SEMA3A: variants seen among roughly 807,000 people sequenced by gnomAD.
SEMA3A encodes the protein semaphorin-3A.
In SEMA3A, 29 loss-of-function variants were observed where a neutral mutation model predicts 97.9. That is an observed-to-expected ratio of 0.30 (90% CI 0.22 to 0.40). The LOEUF is 0.40. Among genes scored for constraint, SEMA3A ranks in the 10% least tolerant of loss-of-function variants. The probability of loss-of-function intolerance (pLI) is 1.00; values close to 1 mark genes in which losing one functional copy is unlikely to be tolerated. For missense variants in SEMA3A, 763 were observed against 951.3 expected, an observed-to-expected ratio of 0.80 and a Z score of 2.60; for synonymous variants, 321 against 323.7, an observed-to-expected ratio of 0.99 and a Z score of 0.09.
At chr7:84,218,066 A>T (rs1393444455) in intron 3 of SEMA3A, among the ~76,000 whole-genome samples, 1 of 152,050 alleles carries the variant, frequency 6.6e-6, no homozygotes, top group Non-Finnish European at 1.5e-5. Flanking sequence ...TGTCTTGGTG[A>T]TATTTTTTGT....
intron 2 of SEMA3A, among the ~76,000 whole-genome samples, chr7:84,346,055 TAC>T (rs1802292740): frequency 6.6e-6 from 1 of 152,232 alleles, no homozygotes; most frequent in African/African-American, 2.4e-5. Flanking sequence ...CTGCAGCTTT[TAC>T]GTCAGCACTT....
intron 2 of SEMA3A, among the ~76,000 whole-genome samples, chr7:84,314,776 A>T (rs1229153070): frequency 6.6e-6 from 1 of 152,146 alleles, no homozygotes; most frequent in Non-Finnish European, 1.5e-5. Context: ...TTTAGACAAG[A>T]TTGATTTTAT....
At chr7:84,140,141 C>T (rs2158567) in intron 1 of SEMA3A, among the ~76,000 whole-genome samples, 34,114 of 151,900 alleles carry the variant, frequency 0.22, 3,965 homozygotes, top group African/African-American at 0.27. Context: ...AAATCATGCA[C>T]GAGGATTGGG....
chr7:84,189,696 TAAC>T (rs1473373926), intron 1 of SEMA3A, among the ~76,000 whole-genome samples: 2 of 151,678 alleles, frequency 1.3e-5, no homozygotes, highest in Non-Finnish European at 3.0e-5. Context: ...ATAGCCTCCA[TAAC>T]AACAATTTAA....
At chr7:84,382,552 C>A (rs959578287) in intron 1 of SEMA3A, among the ~76,000 whole-genome samples, 6 of 151,364 alleles carry the variant, frequency 4.0e-5, no homozygotes, top group Admixed American at 2.6e-4. Flanking sequence ...AAATCACAAT[C>A]AGTTTTTAAA....
intron 3 of SEMA3A, among the ~76,000 whole-genome samples, chr7:84,208,953 T>C (rs774091656): frequency 3.9e-5 from 6 of 152,214 alleles, no homozygotes; most frequent in Admixed American, 1.3e-4. Context: ...AGAAATTACA[T>C]TCAACATCTA....
At chr7:84,203,900 G>T (rs536270697) in intron 3 of SEMA3A, among the ~76,000 whole-genome samples, 1 of 151,866 alleles carries the variant, frequency 6.6e-6, no homozygotes, top group Non-Finnish European at 1.5e-5. Flanking sequence ...GTAGGCCATG[G>T]CATTAGAGAG....
intron 1 of SEMA3A, among the ~76,000 whole-genome samples, chr7:84,456,849 T>G (rs573912419): frequency 1.3e-5 from 2 of 151,766 alleles, no homozygotes; most frequent in Non-Finnish European, 3.0e-5. Flanking sequence ...CTTTTAACCT[T>G]TGAGCAATTT....
intron 2 of SEMA3A, among the ~76,000 whole-genome samples, chr7:84,317,033 G>T (rs1014109832): frequency 6.6e-6 from 1 of 151,898 alleles, no homozygotes; most frequent in Non-Finnish European, 1.5e-5. Context: ...ATCATAATAG[G>T]GCACTTCTCC....
intron 12 of SEMA3A, among the ~76,000 whole-genome samples, chr7:83,992,987 G>T (rs1449863400): frequency 7.1e-6 from 1 of 140,332 alleles, no homozygotes; most frequent in African/African-American, 2.7e-5. Flanking sequence ...CTTGCTTTAT[G>T]AATCTGGGTG....
At chr7:84,389,835 G>A (rs75991975) in intron 1 of SEMA3A, among the ~76,000 whole-genome samples, 6,199 of 152,090 alleles carry the variant, frequency 0.041, 344 homozygotes, top group East Asian at 0.19. Flanking sequence ...GAGTGTTTAC[G>A]TTTTAAACTG....
In SEMA3A at chr7:84,491,250, G is replaced by A. The variant is rs117705847; in HGVS notation, c.-246+1210C>T. On this transcript the variant is annotated intron_variant, in intron 1 of 3. Transcript: ENST00000424555. ...TATTTAAACAGTGCAATACTGTTTT[G>A]TCTAATTTTGCCTAACTACTCTACA... is the stretch of plus-strand genomic sequence containing the variant. Among the ~76,000 whole-genome samples the A allele has an allele frequency of 3.9e-3, 597 of 152,158 alleles. 6 individuals are homozygous for A. Among genetic ancestry groups the A allele is most frequent in the East Asian group, 0.038 (198 of 5,168 alleles).
At chr7:84,442,047 CAT>C (rs1246515478) in intron 1 of SEMA3A, among the ~76,000 whole-genome samples, 6 of 152,042 alleles carry the variant, frequency 3.9e-5, no homozygotes, top group Non-Finnish European at 5.9e-5. Context: ...AACTCAAAGA[CAT>C]ATGAAGAAAG....
Position 84,256,662 on chromosome 7 carries a change from C to A in SEMA3A, c.-83+50545G>T, listed in dbSNP as rs529339289. On this transcript the variant is annotated intron_variant, in intron 3 of 3. Transcript: ENST00000424555. ...CAACGGGATGGAAAATGCATACTGG[C>A]TTTCAAGTTCAAAGGGCTTGAAGAA... Among the ~76,000 whole-genome samples the A allele has an allele frequency of 2.6e-5, 4 of 152,164 alleles. No homozygotes were observed. In the South Asian group the frequency reaches 8.3e-4, roughly 32 times the overall value.
intron 1 of SEMA3A, among the ~76,000 whole-genome samples, chr7:84,437,386 G>C (rs956522393): frequency 6.6e-6 from 1 of 151,946 alleles, no homozygotes; most frequent in East Asian, 1.9e-4. Flanking sequence ...CCAGTTAATA[G>C]TCCGACATGA....
At chr7:84,430,941 T>C (rs567341017) in intron 1 of SEMA3A, among the ~76,000 whole-genome samples, 4 of 152,042 alleles carry the variant, frequency 2.6e-5, no homozygotes, top group Admixed American at 2.0e-4. Context: ...CACTTTCAGG[T>C]TGATAGCAAA....
At chr7:84,343,166 T>C (rs1283203399) in intron 2 of SEMA3A, among the ~76,000 whole-genome samples, 1 of 152,182 alleles carries the variant, frequency 6.6e-6, no homozygotes, top group African/African-American at 2.4e-5. Flanking sequence ...AAGGAATACA[T>C]ATATCTGAAC....
At chr7:84,045,967 A>T (rs943934604) in intron 6 of SEMA3A, among the ~76,000 whole-genome samples, 1 of 80,300 alleles carries the variant, frequency 1.2e-5, no homozygotes, top group African/African-American at 3.6e-5. Context: ...TAAGAGATGT[A>T]AAGGAAAAAA....
At chr7:84,339,044 T>TATATATATATA (rs1802100165) in intron 2 of SEMA3A, among the ~76,000 whole-genome samples, 2 of 152,324 alleles carry the variant, frequency 1.3e-5, no homozygotes, top group African/African-American at 4.8e-5. Flanking sequence ...TTGGTATATA[T>TATATATATATA]ATATCCCATA....
Sources: allele counts gnomAD v4.1 joint callset (sites outside exome capture counted in the v4.1 genomes callset), GRCh38; gene constraint gnomAD v4.1.1; transcripts MANE v1.5; gene names NCBI Gene and HGNC (gene_info 2026-07-23, HGNC 2026-07-21).